The following ATE1 variants were observed in gnomAD, a reference collection of about 807,000 sequenced individuals.
ATE1 encodes arginyltransferase 1.
Under a neutral mutation model 70.5 loss-of-function variants are expected in ATE1, and 36 were observed. That is an observed-to-expected ratio of 0.51 (90% confidence interval 0.39 to 0.67). The LOEUF is 0.67. Among genes scored for constraint, ATE1 ranks in the 30% least tolerant of loss-of-function variants. ATE1 has a pLI of 0.00. For synonymous variants in ATE1, 232 were observed against 219.3 expected, an observed-to-expected ratio of 1.06 and a Z score of -0.51; for missense variants, 593 against 629.5, an observed-to-expected ratio of 0.94 and a Z score of 0.62.
chr10:121,852,420 G>C (rs1949089180), intron 8 of ATE1, among the ~76,000 whole-genome samples: 1 of 151,950 alleles, frequency 6.6e-6, no homozygotes, highest in African/African-American at 2.4e-5. Flanking sequence ...TTTTTTAACA[G>C]TTTCATGAAA....
chr10:121,921,679 T>C (rs919495372), intron 3 of ATE1, among the ~76,000 whole-genome samples: 4 of 152,046 alleles, frequency 2.6e-5, no homozygotes, highest in Non-Finnish European at 4.4e-5. Context: ...ATAACGGACA[T>C]CTGGGTTGCT....
intron 5 of ATE1, among the ~76,000 whole-genome samples, chr10:121,906,950 G>C (rs1951220477): frequency 6.6e-6 from 1 of 151,848 alleles, no homozygotes; most frequent in African/African-American, 2.4e-5. Context: ...GATACCTTAA[G>C]TGAAAAAAAT....
At chr10:121,878,229 C>T (rs929413573) in intron 7 of ATE1, among the ~76,000 whole-genome samples, 12 of 152,100 alleles carry the variant, frequency 7.9e-5, no homozygotes, top group African/African-American at 2.7e-4. Context: ...GGAAGGGCCA[C>T]GAGGGAGCCT....
intron 8 of ATE1, among the ~76,000 whole-genome samples, chr10:121,865,605 T>C (rs1017404267): frequency 1.3e-5 from 2 of 152,158 alleles, no homozygotes; most frequent in Non-Finnish European, 1.5e-5. Context: ...CGGGGTCCGG[T>C]GTAAGCCTAG....
At chr10:121,760,864 G>A (rs1200104497) in intron 11 of ATE1, among the ~76,000 whole-genome samples, 1 of 152,148 alleles carries the variant, frequency 6.6e-6, no homozygotes, top group Non-Finnish European at 1.5e-5. Context: ...CTTATTTTAA[G>A]AAATTGCCAC....
intron 10 of ATE1, among the ~76,000 whole-genome samples, chr10:121,800,137 T>C (rs1443430487): frequency 6.6e-6 from 1 of 152,238 alleles, no homozygotes; most frequent in Non-Finnish European, 1.5e-5. Flanking sequence ...ACAGGTTTAC[T>C]AATGTGACAT....
intron 10 of ATE1, among the ~76,000 whole-genome samples, chr10:121,825,285 G>A (rs1281543769): frequency 6.6e-6 from 1 of 152,164 alleles, no homozygotes; most frequent in Non-Finnish European, 1.5e-5. Context: ...TTCTATTGAA[G>A]TTTTCTTTCC....
At chr10:121,815,485 A>G (rs79602829) in intron 10 of ATE1, among the ~76,000 whole-genome samples, 1,866 of 152,266 alleles carry the variant, frequency 0.012, 36 homozygotes, top group African/African-American at 0.04. Context: ...GAAGGACCTC[A>G]ATATTTGCTA....
chr10:121,892,640 G>A (rs1051160528), intron 7 of ATE1, among the ~76,000 whole-genome samples: 3 of 151,660 alleles, frequency 2.0e-5, no homozygotes, highest in African/African-American at 7.3e-5. Flanking sequence ...CTGAGTAGCT[G>A]GATTACAGGT....
chr10:121,840,142 T>G (rs1948576080), intron 9 of ATE1, among the ~76,000 whole-genome samples: 1 of 152,168 alleles, frequency 6.6e-6, no homozygotes, highest in African/African-American at 2.4e-5. Flanking sequence ...CTTCTCACCA[T>G]TAAAAATGTT....
chr10:121,820,247 A>G (rs184281136), intron 10 of ATE1, among the ~76,000 whole-genome samples: 2 of 152,326 alleles, frequency 1.3e-5, no homozygotes, highest in East Asian at 3.9e-4. Context: ...TATGATGAAA[A>G]TTTCCTAATC....
intron 11 of ATE1, among the ~76,000 whole-genome samples, chr10:121,785,030 T>C (rs7078173): frequency 0.029 from 4,365 of 152,264 alleles, 113 homozygotes; most frequent in African/African-American, 0.071. Flanking sequence ...AATGGTTTCC[T>C]TTATAGCACA....
chr10:121,887,557 T>A (rs551753653), intron 7 of ATE1, among the ~76,000 whole-genome samples: 1 of 152,046 alleles, frequency 6.6e-6, no homozygotes, highest in East Asian at 1.9e-4. Context: ...AATTTAAAAA[T>A]TAGCTGGATG....
At chr10:121,924,366 A>C (rs1045940268) in intron 1 of ATE1, 37 bp from the exon 2 acceptor site, 79 of 1,588,128 alleles carry the variant, frequency 5.0e-5, no homozygotes, top group Middle Eastern at 1.7e-4. Context: ...ACGGCAGGGT[A>C]ACCTTTTTTC....
At chr10:121,848,727 T>C (rs1342553849) in intron 8 of ATE1, among the ~76,000 whole-genome samples, 1 of 124,302 alleles carries the variant, frequency 8.0e-6, no homozygotes, top group African/African-American at 2.7e-5. Flanking sequence ...CCTGGCCAAC[T>C]TGGTGAAACC....
At chr10:121,817,530 C>G (rs1347730578) in intron 10 of ATE1, among the ~76,000 whole-genome samples, 2 of 100,516 alleles carry the variant, frequency 2.0e-5, no homozygotes, top group Non-Finnish European at 4.4e-5. Flanking sequence ...CAGAGCGAGA[C>G]TCTGTCTCAA....
intron 8 of ATE1, among the ~76,000 whole-genome samples, chr10:121,864,019 ATC>A (rs1949571933): frequency 6.6e-6 from 1 of 152,154 alleles, no homozygotes; most frequent in African/African-American, 2.4e-5. Context: ...TAGCCTGACA[ATC>A]TCTGACTTTT....
chr10:121,807,620 A>C (rs1947149604), intron 10 of ATE1, among the ~76,000 whole-genome samples: 2 of 152,214 alleles, frequency 1.3e-5, no homozygotes, highest in Admixed American at 1.3e-4. Context: ...TTATTAATTT[A>C]GATATTCAAT....
intron 10 of ATE1, among the ~76,000 whole-genome samples, chr10:121,836,441 A>C (rs1186129077): frequency 6.6e-6 from 1 of 152,204 alleles, no homozygotes; most frequent in African/African-American, 2.4e-5. Flanking sequence ...CATACTCAGG[A>C]AACATCAAAG....
Sources: gnomAD v4.1 joint callset for allele counts (sites outside exome capture counted in the v4.1 genomes callset) on GRCh38, gnomAD v4.1.1 for gene constraint, MANE v1.5 for transcripts, NCBI Gene and HGNC (gene_info 2026-07-23, HGNC 2026-07-21) for gene names.